The following TTC3 variants were observed in gnomAD, a reference collection of about 807,000 sequenced individuals.
TTC3 encodes the protein E3 ubiquitin-protein ligase TTC3.
Under a neutral mutation model 249.6 loss-of-function variants are expected in TTC3, and 180 were observed. That is an observed-to-expected ratio of 0.72 (90% CI 0.64 to 0.82). The LOEUF is 0.82. Ranked by LOEUF, TTC3 falls within the 40% of genes least tolerant of loss-of-function variation. The pLI, the probability that TTC3 is intolerant of heterozygous loss-of-function variation, is 0.00. For missense variants in TTC3, 2,061 were observed against 2,398.4 expected, an observed-to-expected ratio of 0.86 and a Z score of 2.94; for synonymous variants, 717 against 805.0, an observed-to-expected ratio of 0.89 and a Z score of 1.85.
intron 39 of TTC3, among the ~76,000 whole-genome samples, chr21:37,189,205 A>G (rs1343274268): frequency 2.2e-4 from 34 of 152,102 alleles, no homozygotes; most frequent in Admixed American, 2.2e-3. Context: ...GTATATTCAC[A>G]CATGTTAATT....
At chr21:37,093,965 C>T in intron 7 of TTC3, 40 bp from the exon 8 acceptor site, 1 of 1,354,248 alleles carries the variant, frequency 7.4e-7, no homozygotes, top group Non-Finnish European at 1.0e-6. Flanking sequence ...TTTTTTTAAA[C>T]AAATGTTCTC....
chr21:37,169,866 AACAAAAC>A (rs1384607551), intron 34 of TTC3, among the ~76,000 whole-genome samples: 3 of 151,748 alleles, frequency 2.0e-5, no homozygotes, highest in Admixed American at 6.6e-5. Flanking sequence ...AAAAACAAAA[AACAAAAC>A]CGAAGATGGC....
rs922702314 is a variant in TTC3 at position 37,073,369 on chromosome 21, G to A, written c.-12+5G>A. ...GCTCGCGGGCGGCGGGCCCGGGTGAGTGCACACCCGGCGCGCTGCCGGGCT... is the reference window on the plus strand; with the variant it reads ...GCTCGCGGGCGGCGGGCCCGGGTGAATGCACACCCGGCGCGCTGCCGGGCT... On this transcript the variant is annotated splice_donor_5th_base_variant and intron_variant, in intron 1 of 45. It adds an upstream start codon to the 5' untranslated region. Coordinates refer to ENST00000355666, the Ensembl canonical transcript of TTC3. The A allele has an allele frequency of 1.3e-5, 13 of 972,306 alleles. No individual in the cohort carries two copies. Among genetic ancestry groups the A allele is most frequent in the Non-Finnish European group, 1.6e-5 (13 of 817,494 alleles). 60.2% of individuals were successfully genotyped at this position (972,306 alleles called of 1,614,324 possible).
At position 37,087,999 on chromosome 21, in the gene TTC3, A is replaced by C. The variant is rs147420723; in HGVS notation, c.187+124A>C. The C allele has an allele frequency of 6.1e-3, 5,862 of 965,114 alleles. 36 individuals carry two copies. Among genetic ancestry groups the C allele is most frequent in the Non-Finnish European group, 7.8e-3 (5,122 of 658,696 alleles). The allele number at this position is 965,114 out of a possible 1,614,324, so 59.8% of individuals were successfully genotyped here. A position where few individuals can be genotyped will look rare whatever the true frequency, so the allele number is the denominator to read the frequency against. On this transcript the variant is annotated intron_variant, in intron 3 of 45. Coordinates refer to ENST00000355666, the Ensembl canonical transcript of TTC3. ...AAAAATGTATTCTTACTAGTTTTTC[A>C]CTAGAAATCAGAACTTTTCTTTGTT...
intron 45 of TTC3, 131 bp downstream of exon 45, chr21:37,200,455 G>A (rs774262591): frequency 1.1e-4 from 111 of 1,002,274 alleles, no homozygotes; most frequent in South Asian, 2.3e-4. Flanking sequence ...CAAACCTCCC[G>A]TGTCAGTGTT....
At chr21:37,132,848 A>G (rs2077588771) in intron 17 of TTC3, 82 bp downstream of exon 17, 1 of 1,029,496 alleles carries the variant, frequency 9.7e-7, no homozygotes, top group Non-Finnish European at 1.4e-6. Context: ...CTAATCATGT[A>G]CATCTCTAAG....
chr21:37,152,991 C>T, exon 27 of TTC3: 1 of 1,607,268 alleles, frequency 6.2e-7, no homozygotes. Context: ...TCCTTGATGA[C>T]AGAATTCTAC....
intron 36 of TTC3, among the ~76,000 whole-genome samples, chr21:37,183,650 A>G (rs376049406): frequency 1.3e-5 from 2 of 151,850 alleles, no homozygotes; most frequent in East Asian, 1.9e-4. Flanking sequence ...GGGTGGCCTC[A>G]GCTGGGATGC....
intron 21 of TTC3, among the ~76,000 whole-genome samples, chr21:37,145,769 A>G (rs2078931721): frequency 6.6e-6 from 1 of 152,184 alleles, no homozygotes; most frequent in African/African-American, 2.4e-5. Flanking sequence ...GCCTGTCTGT[A>G]GAGATCATAT....
intron 44 of TTC3, 35 bp downstream of exon 44, chr21:37,198,060 AAAAC>A (rs1232999660): frequency 1.3e-6 from 2 of 1,528,106 alleles, no homozygotes; most frequent in African/African-American, 1.4e-5. Flanking sequence ...TTTTTAATGA[AAAAC>A]AAGAAGCAAA....
At chr21:37,087,968 C>A in intron 3 of TTC3, 93 bp downstream of exon 3, 2 of 1,046,936 alleles carry the variant, frequency 1.9e-6, no homozygotes, top group Non-Finnish European at 2.8e-6. Flanking sequence ...GATTTATATG[C>A]CTTTTAAAAA....
At chr21:37,083,262 T>C in intron 1 of TTC3, 1 of 985,420 alleles carries the variant, frequency 1.0e-6, no homozygotes, top group Non-Finnish European at 1.2e-6. Flanking sequence ...TTGTGTGTTG[T>C]GGAGTGACTG....
intron 28 of TTC3, chr21:37,159,419 T>G: frequency 2.9e-6 from 1 of 349,744 alleles, no homozygotes; most frequent in Non-Finnish European, 5.1e-6. Flanking sequence ...TGGTAGGGAC[T>G]GTCTTGTGCA....
At chr21:37,085,127 G>A (rs2072273777) in intron 1 of TTC3, among the ~76,000 whole-genome samples, 1 of 152,224 alleles carries the variant, frequency 6.6e-6, no homozygotes. Flanking sequence ...AGTCTGCCAG[G>A]TATGAGCACA....
At chr21:37,165,084 T>C (rs1042025201) in intron 32 of TTC3, among the ~76,000 whole-genome samples, 2 of 152,198 alleles carry the variant, frequency 1.3e-5, no homozygotes, top group African/African-American at 4.8e-5. Flanking sequence ...TAAAGTATGC[T>C]AGAATTTGCT....
chr21:37,169,427 C>T (rs1178582149), intron 34 of TTC3, among the ~76,000 whole-genome samples: 1 of 151,912 alleles, frequency 6.6e-6, no homozygotes, highest in Admixed American at 6.6e-5. Flanking sequence ...ACCTGTAATC[C>T]CAGCTACTTG....
chr21:37,194,368 C>G (rs75897572), intron 41 of TTC3: 1 of 152,184 alleles, frequency 6.6e-6, no homozygotes, highest in East Asian at 1.9e-4. Flanking sequence ...TTGTGACCTC[C>G]TCCCTTTGTC....
intron 8 of TTC3, 148 bp from the exon 9 acceptor site, chr21:37,095,202 G>A (rs2073810232): frequency 5.9e-6 from 3 of 510,798 alleles, no homozygotes; most frequent in Non-Finnish European, 1.1e-5. Flanking sequence ...CAAAATATTG[G>A]GTATTGTAAT....
At chr21:37,145,457 T>A (rs779668522) in intron 21 of TTC3, among the ~76,000 whole-genome samples, 52 of 152,254 alleles carry the variant, frequency 3.4e-4, no homozygotes, top group Non-Finnish European at 6.8e-4. Context: ...TCACACTCAT[T>A]AGGATGTGGG....
Sources: gnomAD v4.1 joint callset for allele counts (sites outside exome capture counted in the v4.1 genomes callset) on GRCh38, gnomAD v4.1.1 for gene constraint, MANE v1.5 for transcripts, NCBI Gene and HGNC (gene_info 2026-07-23, HGNC 2026-07-21) for gene names.